The following SLIT2 variants were observed in gnomAD, a reference collection of about 807,000 sequenced individuals.
SLIT2 encodes slit homolog 2 protein.
SLIT2 carries 41 observed loss-of-function variants against 185.7 expected under a neutral mutation model. The ratio of observed to expected loss-of-function variants is 0.22; its 90% confidence interval spans 0.17 to 0.29. The LOEUF is 0.29. Ranked by LOEUF, SLIT2 falls within the 10% of genes least tolerant of loss-of-function variation. The probability of loss-of-function intolerance (pLI) is 1.00; values close to 1 mark genes in which losing one functional copy is unlikely to be tolerated. For missense variants in SLIT2, 1,571 were observed against 1,909.0 expected, an observed-to-expected ratio of 0.82 and a Z score of 3.30; for synonymous variants, 693 against 680.2, an observed-to-expected ratio of 1.02 and a Z score of -0.29.
At chr4:20,372,663 C>T (rs1209774018) in intron 4 of SLIT2, among the ~76,000 whole-genome samples, 1 of 151,942 alleles carries the variant, frequency 6.6e-6, no homozygotes, top group African/African-American at 2.4e-5. Flanking sequence ...TCTGTTCTTA[C>T]AATTTTGCAT....
chr4:20,596,706 C>T, intron 32 of SLIT2, 51 bp downstream of exon 32: 2 of 1,560,112 alleles, frequency 1.3e-6, no homozygotes, highest in Non-Finnish European at 8.7e-7. Flanking sequence ...AATTCAGCTT[C>T]AGAGAATAAA....
At chr4:20,514,763 CT>C (rs894620588) in intron 11 of SLIT2, among the ~76,000 whole-genome samples, 74 of 151,152 alleles carry the variant, frequency 4.9e-4, no homozygotes, top group African/African-American at 1.7e-3. Context: ...AAATCCTATA[CT>C]TTTTTTTATT....
chr4:20,417,900 A>C (rs539639414), intron 4 of SLIT2, among the ~76,000 whole-genome samples: 194 of 152,170 alleles, frequency 1.3e-3, no homozygotes, highest in Non-Finnish European at 2.3e-3. Context: ...GGCCCTTATA[A>C]TCACTCACAT....
intron 4 of SLIT2, among the ~76,000 whole-genome samples, chr4:20,431,519 ACT>A (rs1728978053): frequency 6.6e-6 from 1 of 152,080 alleles, no homozygotes; most frequent in Non-Finnish European, 1.5e-5. Context: ...TTTAACATCG[ACT>A]CTGACTGCAG....
rs149347109 is a variant in SLIT2, at chr4:20,485,240, C to T, written c.540-960C>T. 5.9e-5 allele frequency among the ~76,000 whole-genome samples: 9 copies of T among 152,200 alleles called. No homozygotes were observed. In the East Asian group the frequency reaches 1.7e-3, roughly 29 times the overall value. On this transcript the variant is annotated intron_variant, in intron 6 of 36. Coordinates refer to ENST00000504154, the MANE Select transcript of SLIT2 (RefSeq NM_004787.4). ...GGGTGATGAAAGCTCATATGTTAGC[C>T]TTATTAGTTTTTGTAATTTGTCCAA...
At chr4:20,429,494 T>A (rs1383253602) in intron 4 of SLIT2, among the ~76,000 whole-genome samples, 2 of 152,130 alleles carry the variant, frequency 1.3e-5, no homozygotes, top group African/African-American at 4.8e-5. Context: ...CTCTTAACAT[T>A]TGATGATGGA....
intron 4 of SLIT2, among the ~76,000 whole-genome samples, chr4:20,446,276 A>C (rs912301203): frequency 2.0e-5 from 3 of 152,150 alleles, no homozygotes; most frequent in Non-Finnish European, 2.9e-5. Context: ...CTATTTTTCC[A>C]TGGGAGCCCA....
At chr4:20,564,260 G>C (rs1355638560) in intron 26 of SLIT2, among the ~76,000 whole-genome samples, 1 of 151,744 alleles carries the variant, frequency 6.6e-6, no homozygotes, top group African/African-American at 2.4e-5. Context: ...GATGGACTTA[G>C]AAGGGCAAAA....
chr4:20,552,994 A>G (rs1452003309), intron 25 of SLIT2, among the ~76,000 whole-genome samples: 2 of 152,208 alleles, frequency 1.3e-5, no homozygotes, highest in Non-Finnish European at 2.9e-5. Context: ...GCATATAGTA[A>G]TAGTGCAATA....
chr4:20,575,002 A>G (rs190511758), intron 29 of SLIT2, among the ~76,000 whole-genome samples: 2 of 152,140 alleles, frequency 1.3e-5, no homozygotes, highest in Admixed American at 1.3e-4. Context: ...TAATGCATCT[A>G]ATACCTTCCT....
At chr4:20,515,806 G>C (rs377363838) in intron 11 of SLIT2, among the ~76,000 whole-genome samples, 1 of 151,912 alleles carries the variant, frequency 6.6e-6, no homozygotes, top group Non-Finnish European at 1.5e-5. Context: ...TCTTCAGTAG[G>C]AGTTGTCTTC....
chr4:20,379,737 C>CAATATTG (rs1321815661), intron 4 of SLIT2, among the ~76,000 whole-genome samples: 1 of 151,922 alleles, frequency 6.6e-6, no homozygotes, highest in Non-Finnish European at 1.5e-5. Context: ...AGAGATTGAA[C>CAATATTG]AATAATAAGC....
intron 4 of SLIT2, among the ~76,000 whole-genome samples, chr4:20,371,067 A>G (rs369203270): frequency 3.3e-5 from 5 of 152,016 alleles, no homozygotes; most frequent in African/African-American, 1.2e-4. Flanking sequence ...ATTTCTTCCT[A>G]TCTCTAGTTG....
intron 4 of SLIT2, among the ~76,000 whole-genome samples, chr4:20,421,375 C>A (rs1196826309): frequency 6.6e-6 from 1 of 152,142 alleles, no homozygotes; most frequent in Non-Finnish European, 1.5e-5. Context: ...CTTTTCATTT[C>A]TTGCCTGCAG....
chr4:20,569,531 T>C (rs944924341), intron 29 of SLIT2, among the ~76,000 whole-genome samples: 2 of 152,096 alleles, frequency 1.3e-5, no homozygotes, highest in Non-Finnish European at 2.9e-5. Flanking sequence ...CTTTTGTTTC[T>C]TTGGATGACA....
intron 4 of SLIT2, among the ~76,000 whole-genome samples, chr4:20,310,343 C>A (rs953917457): frequency 3.3e-5 from 5 of 152,118 alleles, no homozygotes; most frequent in African/African-American, 9.7e-5. Flanking sequence ...AGCAAAAAAA[C>A]AATTATCTTT....
rs767990339 is a variant in SLIT2, at chr4:20,596,664, T to C, written c.3561+9T>C. On this transcript the variant is annotated intron_variant, in intron 32 of 36. Coordinates refer to ENST00000504154, the MANE Select transcript of SLIT2 (RefSeq NM_004787.4). ...CGAACATAACACTTCAGGTAAGAGA[T>C]CTCTCTCTATGGAGAGATGATCGGA... is the stretch of plus-strand genomic sequence containing the variant. 9.3e-6 allele frequency: 15 copies of C among 1,608,874 alleles called. No homozygotes were observed. In the South Asian group the frequency reaches 1.6e-4, roughly 18 times the overall value.
At chr4:20,410,621 A>T (rs529647526) in intron 4 of SLIT2, among the ~76,000 whole-genome samples, 1 of 152,074 alleles carries the variant, frequency 6.6e-6, no homozygotes, top group South Asian at 2.1e-4. Flanking sequence ...GTCCAGTTTC[A>T]ATTTTCTACA....
At chr4:20,360,378 A>T (rs2109291241) in intron 4 of SLIT2, among the ~76,000 whole-genome samples, 1 of 152,294 alleles carries the variant, frequency 6.6e-6, no homozygotes, top group Middle Eastern at 3.4e-3. Flanking sequence ...AAATGGTTTC[A>T]TGACCTCATT....
Sources: gnomAD v4.1 joint callset for allele counts (sites outside exome capture counted in the v4.1 genomes callset) on GRCh38, gnomAD v4.1.1 for gene constraint, MANE v1.5 for transcripts, NCBI Gene and HGNC (gene_info 2026-07-23, HGNC 2026-07-21) for gene names.